Variants in MAST3 observed in about 807,000 individuals in gnomAD.
MAST3 encodes microtubule associated serine/threonine kinase 3.
A neutral mutation model predicts 127.0 loss-of-function variants in MAST3; 43 were observed. That is an observed-to-expected ratio of 0.34 (90% CI 0.27 to 0.44). The LOEUF (loss-of-function observed/expected upper bound fraction) is 0.44. Ranked by LOEUF, MAST3 falls within the 20% of genes least tolerant of loss-of-function variation. The pLI is 1.00. For missense variants in MAST3, 1,390 were observed against 1,919.1 expected (o/e 0.72, Z 5.15); for synonymous variants, 785 against 809.2 (o/e 0.97, Z 0.51).
intron 5 of MAST3, 108 bp downstream of exon 5, chr19:18,122,030 T>C: frequency 1.3e-6 from 2 of 1,518,288 alleles, no homozygotes; most frequent in Non-Finnish European, 1.8e-6. Context: ...TCATTCACCT[T>C]TTCCCCTCCC....
chr19:18,147,886 A>G (rs538819694), intron 27 of MAST3, among the ~76,000 whole-genome samples: 51 of 152,280 alleles, frequency 3.3e-4, no homozygotes, highest in Non-Finnish European at 6.3e-4. Context: ...CCAGGCACGG[A>G]GGCTCACGCC....
chr19:18,110,826 T>G lies in MAST3; in HGVS notation c.161+85T>G. The G allele has an allele frequency of 1.5e-6, 1 of 656,758 alleles. No homozygotes were observed. The highest frequency in any genetic ancestry group is 1.9e-6 in the Non-Finnish European group (1 of 529,596). 40.7% of individuals were successfully genotyped at this position (656,758 alleles called of 1,614,324 possible). A position where few individuals can be genotyped will look rare whatever the true frequency, so the allele number is the denominator to read the frequency against. ...AAACCCTCCAGACTCATCGGTCTCC[T>G]CAAGATACTGCAGGTTGGTGACATC... On this transcript the variant is annotated intron_variant, in intron 3 of 27. Coordinates refer to ENST00000687212, the MANE Select transcript of MAST3 (RefSeq NM_001393504.1). This position sits in a 1 kb window ranked among gnomAD's most constrained non-coding sequence, Gnocchi z 4.3.
Position 18,128,419 on chromosome 19 carries a change from C to T in MAST3, c.1098C>T (p.His366=), listed in dbSNP as rs1410823627. The T allele has an allele frequency of 1.9e-6, 3 of 1,555,456 alleles. No individual in the cohort carries two copies. Among genetic ancestry groups the T allele is most frequent in the Admixed American group, 1.9e-5 (1 of 51,644 alleles). Residue 366 remains histidine (H), a synonymous_variant, in exon 12 of 28, where the codon CAC becomes CAT. Coordinates refer to ENST00000687212, the MANE Select transcript of MAST3 (RefSeq NM_001393504.1). The part of the protein sequence containing the change: ...DPLEEMVPLS[H]LEEEQPPAPE... ...TTGCAGAGATGGTGCCACTGAGTCA[C>T]CTCGAAGAAGAACAGCCCCCAGCAC...
chr19:18,140,372 C>G (rs1335897252), intron 20 of MAST3, among the ~76,000 whole-genome samples: 1 of 151,820 alleles, frequency 6.6e-6, no homozygotes, highest in Non-Finnish European at 1.5e-5. Context: ...GAGCGAGACT[C>G]TGTCTCAAAA....
At chr19:18,109,470 G>A (rs988796374) in intron 2 of MAST3, among the ~76,000 whole-genome samples, 2 of 152,206 alleles carry the variant, frequency 1.3e-5, no homozygotes, top group African/African-American at 4.8e-5. Context: ...GGACCTTGGG[G>A]CAGGACAGAG....
chr19:18,101,882 C>CTTTTTTT lies in MAST3; in HGVS notation c.39+4068_39+4074dup, dbSNP rs760652186. ...ATGTTGGCCAGAATGGCCTCAAACT[C>CTTTTTTT]TTTTTTTTTTTTTTTTTTTTTTTGA... On this transcript the variant is annotated intron_variant, in intron 1 of 27. Coordinates refer to ENST00000687212, the MANE Select transcript of MAST3 (RefSeq NM_001393504.1). Among the ~76,000 whole-genome samples, 11 of 69,344 alleles carry CTTTTTTT rather than the reference C, an allele frequency of 1.6e-4. 1 individual carries two copies. Among genetic ancestry groups the CTTTTTTT allele is most frequent in the East Asian group, 4.4e-4 (1 of 2,268 alleles). The allele number at this position is 69,344 out of a possible 152,430, so 45.5% of individuals were successfully genotyped here.
intron 3 of MAST3, among the ~76,000 whole-genome samples, chr19:18,116,256 G>A (rs2039235411): frequency 6.6e-6 from 1 of 151,182 alleles, no homozygotes. Context: ...ACCATGCCCA[G>A]CTATTTCTTT....
In MAST3 at chr19:18,128,969, G is replaced by T; in HGVS notation, c.1223+18G>T. 7 of 1,607,772 alleles carry T rather than the reference G, an allele frequency of 4.4e-6. No individual in the cohort carries two copies. The highest frequency in any genetic ancestry group is 6.0e-6 in the Non-Finnish European group (7 of 1,174,426). On this transcript the variant is annotated intron_variant, in intron 13 of 27. Coordinates refer to ENST00000687212, the MANE Select transcript of MAST3 (RefSeq NM_001393504.1). Reference sequence around the variant, plus strand: ...GCCTATGGGTGAGTCCCTGAGTCCTGCATAGACCCATTTCACAGATGCCTG... The same window carrying T: ...GCCTATGGGTGAGTCCCTGAGTCCTTCATAGACCCATTTCACAGATGCCTG...
intron 3 of MAST3, among the ~76,000 whole-genome samples, chr19:18,120,203 G>C (rs1361292591): frequency 6.6e-6 from 1 of 152,192 alleles, no homozygotes; most frequent in Non-Finnish European, 1.5e-5. Flanking sequence ...GAAAGAGGTT[G>C]CATTTAGGGT....
intron 18 of MAST3, among the ~76,000 whole-genome samples, chr19:18,136,359 G>A (rs1359363025): frequency 6.6e-6 from 1 of 152,220 alleles, no homozygotes; most frequent in African/African-American, 2.4e-5. Context: ...TCTAGGCGGT[G>A]TGGTCCCAGA....
rs548447710 is a variant in MAST3, at chr19:18,099,449, C to T, written c.39+1618C>T. On this transcript the variant is annotated intron_variant, in intron 1 of 27. Coordinates refer to ENST00000687212, the MANE Select transcript of MAST3 (RefSeq NM_001393504.1). ...CCTCTTAAAATAGAGAAACCGCCTCCGGGTAGGCGAATGGGGGTGCTGCTG... is the reference window on the plus strand; with the variant it reads ...CCTCTTAAAATAGAGAAACCGCCTCTGGGTAGGCGAATGGGGGTGCTGCTG... 1.3e-4 allele frequency among the ~76,000 whole-genome samples: 19 copies of T among 145,572 alleles called. No individual in the cohort carries two copies. The South Asian group carries it at 4.1e-3, about 32-fold the overall frequency.
intron 14 of MAST3, 131 bp downstream of exon 14, chr19:18,130,833 C>G: frequency 1.1e-6 from 1 of 906,324 alleles, no homozygotes; most frequent in Non-Finnish European, 1.7e-6. Context: ...GGGGAACCCT[C>G]AGGAACCCCA....
intron 3 of MAST3, chr19:18,118,227 A>C (rs2039528329): frequency 1.0e-6 from 1 of 985,214 alleles, no homozygotes; most frequent in East Asian, 1.1e-4. Flanking sequence ...CGCCTGGCAA[A>C]AGGCGCGCTG....
rs371924797 is a variant in MAST3 at position 18,149,051 on chromosome 19, T to C, written c.3509-140T>C. On this transcript the variant is annotated intron_variant, in intron 27 of 27. Coordinates refer to ENST00000687212, the MANE Select transcript of MAST3 (RefSeq NM_001393504.1). This position sits in a 1 kb window ranked among gnomAD's most constrained non-coding sequence, Gnocchi z 5.9. ...CTGGGCAACAGAGCAAGACCCTGTC[T>C]CAAAAACAAAAACAACCAGGCATGA... 2.2e-6 allele frequency: 2 copies of C among 912,660 alleles called. No individual in the cohort carries two copies. The highest frequency in any genetic ancestry group is 1.8e-5 in the African/African-American group (1 of 56,000). The allele number at this position is 912,660 out of a possible 1,614,324, so 56.5% of individuals were successfully genotyped here. A position where few individuals can be genotyped will look rare whatever the true frequency, so the allele number is the denominator to read the frequency against.
chr19:18,132,715 A>G (rs931879051), intron 15 of MAST3, among the ~76,000 whole-genome samples: 35 of 152,270 alleles, frequency 2.3e-4, no homozygotes, highest in African/African-American at 8.2e-4. Flanking sequence ...TGCAGGGAAA[A>G]AGGAATGCCT....
chr19:18,119,467 T>C (rs1186956464), intron 3 of MAST3, among the ~76,000 whole-genome samples: 1 of 152,126 alleles, frequency 6.6e-6, no homozygotes, highest in Non-Finnish European at 1.5e-5. Flanking sequence ...TGGGAGACAA[T>C]CACTGTGACT....
chr19:18,103,172 G>T (rs1003974733), intron 1 of MAST3, among the ~76,000 whole-genome samples: 2 of 152,092 alleles, frequency 1.3e-5, no homozygotes, highest in East Asian at 1.9e-4. Context: ...GGAGAGTTCT[G>T]TGTGGTCCAG....
intron 25 of MAST3, among the ~76,000 whole-genome samples, chr19:18,146,204 C>T (rs1309923700): frequency 1.3e-5 from 2 of 152,084 alleles, no homozygotes; most frequent in Non-Finnish European, 2.9e-5. Context: ...TTTGGGAGGC[C>T]GAGGCAGGAT....
Position 18,110,798 on chromosome 19 carries a change from T to A in MAST3, c.161+57T>A. 1 of 873,896 alleles carries A rather than the reference T, an allele frequency of 1.1e-6. No individual in the cohort carries two copies. The highest frequency in any genetic ancestry group is 1.4e-6 in the Non-Finnish European group (1 of 727,878). 54.1% of individuals were successfully genotyped at this position (873,896 alleles called of 1,614,324 possible). A position where few individuals can be genotyped will look rare whatever the true frequency, so the allele number is the denominator to read the frequency against. ...ACATCGCCCTGGCACCCCAGAGCCT[T>A]GGAAACCCTCCAGACTCATCGGTCT... On this transcript the variant is annotated intron_variant, in intron 3 of 27. Coordinates refer to ENST00000687212, the MANE Select transcript of MAST3 (RefSeq NM_001393504.1). The surrounding 1 kb of genome is among the most constrained non-coding windows in gnomAD (Gnocchi z 4.3).
Sources: allele counts gnomAD v4.1 joint callset (sites outside exome capture counted in the v4.1 genomes callset), GRCh38; gene constraint gnomAD v4.1.1; non-coding constraint Gnocchi (gnomAD v3.1); transcripts MANE v1.5; gene names NCBI Gene and HGNC (gene_info 2026-07-23, HGNC 2026-07-21).